The following AHNAK variants were observed in gnomAD, a reference collection of about 807,000 sequenced individuals.
The protein encoded by AHNAK is neuroblast differentiation-associated protein AHNAK.
AHNAK carries 23 observed loss-of-function variants against 37.8 expected under a neutral mutation model. The ratio of observed to expected loss-of-function variants is 0.61; its 90% CI spans 0.44 to 0.86. The LOEUF (loss-of-function observed/expected upper bound fraction) is 0.86, where lower values mean the gene tolerates loss of function less well. Ranked by LOEUF, AHNAK falls within the 40% of genes least tolerant of loss-of-function variation. The pLI, the probability that AHNAK is intolerant of heterozygous loss-of-function variation, is 0.00. For synonymous variants in AHNAK, 2,481 were observed against 2,636.3 expected (o/e 0.94, Z 1.80); for missense variants, 7,411 against 7,319.4 (o/e 1.01, Z -0.46).
intron 5 of AHNAK, among the ~76,000 whole-genome samples, chr11:62,464,014 C>T (rs891830597): frequency 1.3e-5 from 2 of 151,496 alleles, no homozygotes; most frequent in African/African-American, 4.9e-5. Flanking sequence ...GTGATCCGCC[C>T]GCCTCAGCCT....
intron 5 of AHNAK, among the ~76,000 whole-genome samples, chr11:62,440,110 C>T (rs1265609372): frequency 2.0e-5 from 3 of 152,168 alleles, no homozygotes; most frequent in Non-Finnish European, 2.9e-5. Flanking sequence ...ACAGCTATTG[C>T]GATTTCTCTC....
intron 4 of AHNAK, among the ~76,000 whole-genome samples, chr11:62,505,139 G>A (rs1939785955): frequency 6.6e-6 from 1 of 152,100 alleles, no homozygotes; most frequent in Non-Finnish European, 1.5e-5. Flanking sequence ...AGGTCCCGTG[G>A]CCACCCCTTG....
At chr11:62,436,628 T>C (rs7128769) in intron 5 of AHNAK, among the ~76,000 whole-genome samples, 19,955 of 145,088 alleles carry the variant, frequency 0.14, 1,589 homozygotes, top group Middle Eastern at 0.2. Context: ...CTGCATTTCT[T>C]TTCATTAAAA....
chr11:62,529,344 C>T lies in AHNAK; in HGVS notation c.5073G>A (p.Gly1691=). The change falls in exon 5 of 5, where the codon GGG becomes GGA. Residue 1691 remains glycine, a synonymous_variant. Transcript: ENST00000378024. ...CTGGGGCATCAATGTCCACTTTGGG[C>T]CCTTTAATGTCAACATCTGGCACTT... The part of the protein sequence containing the change: ...EMKVPDVDIK[G]PKVDIDAPDV... The T allele has an allele frequency of 1.9e-6, 3 of 1,613,814 alleles. No homozygotes were observed. The highest frequency in any genetic ancestry group is 2.5e-6 in the Non-Finnish European group (3 of 1,179,938).
chr11:62,542,924 T>C (rs1003957385), intron 1 of AHNAK, among the ~76,000 whole-genome samples: 1 of 152,264 alleles, frequency 6.6e-6, no homozygotes, highest in African/African-American at 2.4e-5. Flanking sequence ...GGGAGGGCGC[T>C]GCTTGCTCTC....
At chr11:62,545,192 C>T (rs1941267520) in intron 1 of AHNAK, among the ~76,000 whole-genome samples, 1 of 152,162 alleles carries the variant, frequency 6.6e-6, no homozygotes, top group South Asian at 2.1e-4. Flanking sequence ...GAGCACCTCA[C>T]TGCCACGGTC....
intron 5 of AHNAK, among the ~76,000 whole-genome samples, chr11:62,451,838 T>C (rs959047525): frequency 5.3e-5 from 8 of 150,186 alleles, no homozygotes; most frequent in Non-Finnish European, 8.9e-5. Context: ...GACAGAGTCT[T>C]GCTCTGTCAC....
At chr11:62,483,039 G>A (rs911257218) in intron 5 of AHNAK, among the ~76,000 whole-genome samples, 5 of 152,116 alleles carry the variant, frequency 3.3e-5, no homozygotes, top group Admixed American at 2.6e-4. Context: ...TCATTTGAAC[G>A]ACATGGTTTC....
chr11:62,510,154 G>T (rs1370167535), intron 4 of AHNAK, among the ~76,000 whole-genome samples: 2 of 151,636 alleles, frequency 1.3e-5, no homozygotes, highest in African/African-American at 4.8e-5. Context: ...ACCTCCCCCG[G>T]GTTCAAGAGA....
chr11:62,450,101 G>GTTTTA (rs778340090), intron 5 of AHNAK, among the ~76,000 whole-genome samples: 10 of 150,128 alleles, frequency 6.7e-5, no homozygotes, highest in African/African-American at 2.2e-4. Flanking sequence ...GTTTTCTTTT[G>GTTTTA]TTTTATTTTA....
chr11:62,476,437 G>C (rs879682179), intron 5 of AHNAK, among the ~76,000 whole-genome samples: 4 of 152,158 alleles, frequency 2.6e-5, no homozygotes, highest in Non-Finnish European at 5.9e-5. Flanking sequence ...AAGATGAGGA[G>C]CGTCGTGGCG....
intron 5 of AHNAK, among the ~76,000 whole-genome samples, chr11:62,460,852 C>T (rs1461488411): frequency 2.6e-5 from 4 of 152,100 alleles, no homozygotes; most frequent in Non-Finnish European, 5.9e-5. Flanking sequence ...CTCAGAGTCT[C>T]GCTCTGTCAC....
rs1460375323 is a variant in AHNAK at position 62,524,963 on chromosome 11, T to C, written c.9454A>G (p.Lys3152Glu). 3 of 1,613,788 alleles carry C rather than the reference T, an allele frequency of 1.9e-6. No homozygotes were observed. Among genetic ancestry groups the C allele is most frequent in the South Asian group, 1.1e-5 (1 of 91,064 alleles). ...QGPDWHLKMP[K>E]IKMPKISMPG... is the part of the protein sequence containing the mutation. Reference sequence around the variant, plus strand: ...ATGCTGATCTTGGGCATTTTTATTTTAGGCATCTTCAGGTGCCAGTCTGGG... The same window carrying C: ...ATGCTGATCTTGGGCATTTTTATTTCAGGCATCTTCAGGTGCCAGTCTGGG... Residue 3152 changes from lysine (K) to glutamate (E), a missense_variant, in exon 5 of 5, where the codon AAA becomes GAA. Physicochemically the swap from Lys to Glu is moderately conservative, Grantham distance 56. Transcript: ENST00000378024.
chr11:62,514,738 G>A (rs112892663), downstream of AHNAK, among the ~76,000 whole-genome samples: 911 of 152,244 alleles, frequency 6.0e-3, 7 homozygotes, highest in African/African-American at 0.02. Flanking sequence ...GCTGTAGGTC[G>A]GTCATCTAAA....
intron 1 of AHNAK, among the ~76,000 whole-genome samples, chr11:62,546,289 G>T (rs927511740): frequency 6.6e-6 from 1 of 152,234 alleles, no homozygotes; most frequent in Non-Finnish European, 1.5e-5. Flanking sequence ...GGATACGAAC[G>T]GAGCAGCCCC....
Position 62,517,416 on chromosome 11 carries a change from G to C in AHNAK, c.17001C>G (p.Thr5667=), listed in dbSNP as rs11555628. 9 of 1,614,134 alleles carry C rather than the reference G, an allele frequency of 5.6e-6. No homozygotes were observed. The South Asian group carries it at 8.8e-5, about 16-fold the overall frequency. Residue 5667 remains threonine (T), a synonymous_variant, in exon 5 of 5, where the codon ACC becomes ACG. Transcript: ENST00000378024. ...TGCCAACCAGCTCACGGCCAGAGAA[G>C]GTAAATTTGGGGATCTTCATTTTAG... is the stretch of plus-strand genomic sequence containing the variant. ...TFPKMKIPKF[T]FSGRELVGRE...
intron 5 of AHNAK, among the ~76,000 whole-genome samples, chr11:62,470,318 C>A (rs569271283): frequency 2.6e-5 from 4 of 152,190 alleles, no homozygotes; most frequent in African/African-American, 7.2e-5. Context: ...TGGTGGCATG[C>A]GCCTGTAATC....
chr11:62,495,563 T>A (rs1272170995), intron 4 of AHNAK, among the ~76,000 whole-genome samples: 2 of 147,212 alleles, frequency 1.4e-5, no homozygotes, highest in African/African-American at 2.7e-5. Context: ...AAACCCAGTC[T>A]CTTCTAAAAA....
At chr11:62,470,407 C>T (rs1388545097) in intron 5 of AHNAK, among the ~76,000 whole-genome samples, 1 of 146,252 alleles carries the variant, frequency 6.8e-6, no homozygotes, top group Non-Finnish European at 1.5e-5. Context: ...GATTGTACCA[C>T]TGCACTCCAG....
Sources: allele counts gnomAD v4.1 joint callset (sites outside exome capture counted in the v4.1 genomes callset), GRCh38; gene constraint gnomAD v4.1.1; transcripts MANE v1.5; gene names NCBI Gene and HGNC (gene_info 2026-07-23, HGNC 2026-07-21).